The following MLXIP variants were observed in gnomAD, a reference collection of about 807,000 sequenced individuals.
The protein encoded by MLXIP is MLX interacting protein, also known as MLX-interacting protein.
In MLXIP, 30 loss-of-function variants were observed where a neutral mutation model predicts 87.2. The observed-to-expected ratio is 0.34, with a 90% CI of 0.26 to 0.47. MLXIP has a LOEUF of 0.47. Among genes scored for constraint, MLXIP ranks in the 20% least tolerant of loss-of-function variants. The pLI, the probability that MLXIP is intolerant of heterozygous loss-of-function variation, is 1.00. For synonymous variants in MLXIP, 530 were observed against 514.0 expected (o/e 1.03, Z -0.42); for missense variants, 1,002 against 1,240.1 (o/e 0.81, Z 2.88).
At position 122,142,717 on chromosome 12, in the gene MLXIP, A is replaced by G. The variant is rs1953231525; in HGVS notation, c.*905A>G. The stretch of plus-strand genomic sequence containing the variant: ...TCTAGTGTCTGAAAGATCAGACTCC[A>G]CGTCCTGCTGTCAGCCTTGTCATCT... On this transcript the variant is annotated 3_prime_UTR_variant, in exon 17 of 17. Coordinates refer to ENST00000319080, the MANE Select transcript of MLXIP (RefSeq NM_014938.6). 5.6e-6 allele frequency: 1 copy of G among 177,918 alleles called. No individual in the cohort carries two copies. Among genetic ancestry groups the G allele is most frequent in the South Asian group, 1.4e-4 (1 of 7,366 alleles). 11.0% of individuals were successfully genotyped at this position (177,918 alleles called of 1,614,324 possible). A position where few individuals can be genotyped will look rare whatever the true frequency, so the allele number is the denominator to read the frequency against.
intron 1 of MLXIP, among the ~76,000 whole-genome samples, chr12:122,094,068 G>A (rs1454455271): frequency 7.0e-6 from 1 of 143,672 alleles, no homozygotes; most frequent in African/African-American, 2.6e-5. Flanking sequence ...GGTTTGCGGT[G>A]TCTGGTGTGG....
intron 4 of MLXIP, 134 bp downstream of exon 4, chr12:122,129,360 GC>G: frequency 1.1e-6 from 1 of 944,332 alleles, no homozygotes; most frequent in Non-Finnish European, 1.6e-6. Context: ...TAAATCTGGG[GC>G]CCAGCGTGCC....
chr12:122,129,659 C>A, intron 5 of MLXIP, 30 bp downstream of exon 5: 1 of 1,565,516 alleles, frequency 6.4e-7, no homozygotes, highest in Non-Finnish European at 8.6e-7. Flanking sequence ...CTGAGGACCC[C>A]CACTTTGACA....
Position 122,133,479 on chromosome 12 carries a change from G to C in MLXIP, c.1224G>C (p.Pro408=). Reference sequence around the variant, plus strand: ...AACACACCTCCCGGACTGAGGACCCGTTTATCCAGCCCACGGACTTCGGTC... The same window carrying C: ...AACACACCTCCCGGACTGAGGACCCCTTTATCCAGCCCACGGACTTCGGTC... ...GCEHTSRTED[P]FIQPTDFGPS... Residue 408 remains proline, a synonymous_variant, in exon 9 of 17, where the codon CCG becomes CCC. Transcript: ENST00000319080. The surrounding 1 kb of genome is among the most constrained non-coding windows in gnomAD (Gnocchi z 4.9). 6.2e-7 allele frequency: 1 copy of C among 1,613,030 alleles called. No homozygotes were observed. The highest frequency in any genetic ancestry group is 8.5e-7 in the Non-Finnish European group (1 of 1,179,738).
intron 1 of MLXIP, among the ~76,000 whole-genome samples, chr12:122,117,516 C>T (rs990220211): frequency 9.9e-5 from 15 of 152,236 alleles, no homozygotes; most frequent in African/African-American, 3.6e-4. Context: ...GTCATTCCTC[C>T]ACTCCCTCAT....
chr12:122,094,297 TG>T (rs1952308182), intron 1 of MLXIP, among the ~76,000 whole-genome samples: 1 of 127,906 alleles, frequency 7.8e-6, no homozygotes, highest in Non-Finnish European at 1.6e-5. Flanking sequence ...TGTGGTGTGA[TG>T]GTGTGTGTGG....
At chr12:122,113,984 CTTT>C (rs141720091) in intron 1 of MLXIP, among the ~76,000 whole-genome samples, 4 of 108,718 alleles carry the variant, frequency 3.7e-5, no homozygotes, top group Non-Finnish European at 3.6e-5. Context: ...TGCACCCGGC[CTTT>C]TTTTTTTTTT....
At chr12:122,138,775 A>C in intron 14 of MLXIP, 40 bp from the exon 15 acceptor site, 1 of 1,605,336 alleles carries the variant, frequency 6.2e-7, no homozygotes, top group South Asian at 1.1e-5. Flanking sequence ...CTTATTGGCC[A>C]CTGGCTGCTC....
At chr12:122,108,044 G>A (rs1952548102) in intron 1 of MLXIP, among the ~76,000 whole-genome samples, 1 of 152,130 alleles carries the variant, frequency 6.6e-6, no homozygotes, top group African/African-American at 2.4e-5. Flanking sequence ...CTGTGATGCT[G>A]CTGATGGAGA....
At chr12:122,089,535 T>TA (rs1952216191) in intron 1 of MLXIP, among the ~76,000 whole-genome samples, 1 of 152,248 alleles carries the variant, frequency 6.6e-6, no homozygotes, top group South Asian at 2.1e-4. Context: ...CATCCGTTTG[T>TA]AGTCAGGCTT....
intron 1 of MLXIP, among the ~76,000 whole-genome samples, chr12:122,106,648 C>T (rs1952525296): frequency 8.0e-6 from 1 of 125,750 alleles, no homozygotes; most frequent in Non-Finnish European, 1.6e-5. Flanking sequence ...GTCATCCAGG[C>T]TGGAGTGCAG....
intron 15 of MLXIP, among the ~76,000 whole-genome samples, chr12:122,139,483 C>T (rs1014904745): frequency 2.6e-5 from 4 of 152,218 alleles, no homozygotes; most frequent in African/African-American, 4.8e-5. Flanking sequence ...CGCCTGGTCA[C>T]TCCCCACCCT....
intron 1 of MLXIP, among the ~76,000 whole-genome samples, chr12:122,115,740 A>G (rs887216577): frequency 2.0e-5 from 3 of 152,118 alleles, no homozygotes; most frequent in African/African-American, 7.2e-5. Flanking sequence ...CTAATATTAT[A>G]ATATTGCGAA....
In MLXIP at chr12:122,144,375, A is replaced by T. The variant is rs902811805; in HGVS notation, c.*2563A>T. On this transcript the variant is annotated 3_prime_UTR_variant, in exon 17 of 17. Coordinates refer to ENST00000319080, the MANE Select transcript of MLXIP (RefSeq NM_014938.6). ...AGCTGAAGGATCACTTGAGCTCAGG[A>T]GTTGGAGACCAACCCTGGCAACATA... is the stretch of plus-strand genomic sequence containing the variant. 10 of 145,794 alleles carry T rather than the reference A, an allele frequency of 6.9e-5. No homozygotes were observed. Among genetic ancestry groups the T allele is most frequent in the African/African-American group, 2.5e-4 (10 of 39,426 alleles). 9.0% of individuals were successfully genotyped at this position (145,794 alleles called of 1,614,324 possible). A position where few individuals can be genotyped will look rare whatever the true frequency, so the allele number is the denominator to read the frequency against.
chr12:122,090,307 C>T (rs191156340), intron 1 of MLXIP, among the ~76,000 whole-genome samples: 390 of 152,112 alleles, frequency 2.6e-3, no homozygotes, highest in Middle Eastern at 0.017. Context: ...ACCAGCCTGG[C>T]CAACATGGCG....
chr12:122,124,511 C>T (rs1424290589), intron 1 of MLXIP, among the ~76,000 whole-genome samples: 1 of 147,776 alleles, frequency 6.8e-6, no homozygotes, highest in Non-Finnish European at 1.5e-5. Flanking sequence ...CAATCCCACC[C>T]TCAGGGCTGG....
chr12:122,106,575 G>T (rs1952523326), intron 1 of MLXIP, among the ~76,000 whole-genome samples: 1 of 147,474 alleles, frequency 6.8e-6, no homozygotes, highest in Admixed American at 6.8e-5. Context: ...GGTGGTGAAA[G>T]CAAGATGGAA....
At position 122,137,897 on chromosome 12, in the gene MLXIP, G is replaced by A. The variant is rs1329399776; in HGVS notation, c.2155-297G>A. Among the ~76,000 whole-genome samples the A allele has an allele frequency of 6.6e-6, 1 of 152,254 alleles. No homozygotes were observed. Among genetic ancestry groups the A allele is most frequent in the Non-Finnish European group, 1.5e-5 (1 of 68,040 alleles). On this transcript the variant is annotated intron_variant, in intron 12 of 16. Transcript: ENST00000319080. The surrounding 1 kb of genome is among the most constrained non-coding windows in gnomAD (Gnocchi z 4.1). ...GTGTGGCCACCACCAGAGCTGTGCT[G>A]TGGGGAGGAGGCAGGGCTGGGTGGG...
At chr12:122,104,144 T>G (rs898817614) in intron 1 of MLXIP, among the ~76,000 whole-genome samples, 1 of 152,218 alleles carries the variant, frequency 6.6e-6, no homozygotes, top group African/African-American at 2.4e-5. Flanking sequence ...ATTTAAAAAC[T>G]TCAATCAGCT....
Sources: allele counts gnomAD v4.1 joint callset (sites outside exome capture counted in the v4.1 genomes callset), GRCh38; gene constraint gnomAD v4.1.1; non-coding constraint Gnocchi (gnomAD v3.1); transcripts MANE v1.5; gene names NCBI Gene and HGNC (gene_info 2026-07-23, HGNC 2026-07-21).